Variants in LIMS2 observed in about 807,000 individuals in gnomAD.
LIMS2 encodes the protein LIM zinc finger domain containing 2.
In LIMS2, 30 loss-of-function variants were observed where a neutral mutation model predicts 45.3. The observed-to-expected ratio is 0.66, with a 90% CI of 0.50 to 0.90. The LOEUF is 0.90. Ranked by LOEUF, LIMS2 falls within the 40% of genes least tolerant of loss-of-function variation. LIMS2 has a pLI of 0.00. For synonymous variants in LIMS2, 173 were observed against 188.0 expected (o/e 0.92, Z 0.65); for missense variants, 485 against 468.7 (o/e 1.03, Z -0.32).
At position 127,654,831 on chromosome 2, in the gene LIMS2, G is replaced by A. The variant is rs531118175; in HGVS notation, c.237C>T (p.Cys79=). 36 of 1,614,054 alleles carry A rather than the reference G, an allele frequency of 2.2e-5. No individual in the cohort carries two copies. The highest frequency in any genetic ancestry group is 1.8e-4 in the South Asian group (16 of 91,090). The part of the protein sequence containing the change: ...QMLFAPCCGS[C]GEFIIGRVIK... Reference sequence around the variant, plus strand: ...GATGTGTACTGTCACCGGCCTTACCGCAGGATCCACAGCACGGAGCAAACA... The same window carrying A: ...GATGTGTACTGTCACCGGCCTTACCACAGGATCCACAGCACGGAGCAAACA... The change falls in exon 3 of 10, where the codon TGC becomes TGT. Residue 79 remains cysteine, a splice_region_variant and synonymous_variant. Coordinates refer to ENST00000355119, the MANE Select transcript of LIMS2 (RefSeq NM_001161403.3).
Position 127,657,570 on chromosome 2 carries a change from C to A in LIMS2, c.12-8G>T. On this transcript the variant is annotated splice_polypyrimidine_tract_variant and splice_region_variant and intron_variant, in intron 1 of 9. Coordinates refer to ENST00000355119, the MANE Select transcript of LIMS2 (RefSeq NM_001161403.3). ...AAGGCGTCCGACATATTGCTGGGGG[C>A]AGGAGACAGGAGGAGTGAGTCAGAG... 6.3e-7 allele frequency: 1 copy of A among 1,588,052 alleles called. No homozygotes were observed. Among genetic ancestry groups the A allele is most frequent in the Non-Finnish European group, 8.6e-7 (1 of 1,166,618 alleles).
At position 127,650,132 on chromosome 2, in the gene LIMS2, G is replaced by A; in HGVS notation, c.359+4292C>T. The A allele has an allele frequency of 2.0e-6, 3 of 1,490,432 alleles. No individual in the cohort carries two copies. The Admixed American group carries it at 5.6e-5, about 28-fold the overall frequency. 92.3% of individuals were successfully genotyped at this position (1,490,432 alleles called of 1,614,324 possible). ...AGGGTACAGCCCTTGCTGCCATCCT[G>A]GGGGCACCCTCCTAAGTGCCAGGGG... is the stretch of plus-strand genomic sequence containing the variant. On this transcript the variant is annotated intron_variant, in intron 4 of 9. Transcript: ENST00000355119.
intron 7 of LIMS2, 195 bp from the exon 8 acceptor site, chr2:127,640,513 C>T: frequency 1.6e-6 from 1 of 637,230 alleles, no homozygotes; most frequent in Non-Finnish European, 2.8e-6. Context: ...GGACAACAGG[C>T]TGGGGCGTTG....
intron 1 of LIMS2, among the ~76,000 whole-genome samples, chr2:127,669,153 A>G (rs1185566689): frequency 6.6e-6 from 1 of 152,196 alleles, no homozygotes; most frequent in Non-Finnish European, 1.5e-5. Flanking sequence ...GAGTGCCAAG[A>G]CCATTCAATG....
In LIMS2 at chr2:127,647,113, C is replaced by A. The variant is rs1380879270; in HGVS notation, c.360-4041G>T. On this transcript the variant is annotated intron_variant, in intron 4 of 9. Transcript: ENST00000355119. This position sits in a 1 kb window ranked among gnomAD's most constrained non-coding sequence, Gnocchi z 4.3. Reference sequence around the variant, plus strand: ...CCTGGTGCCATGAGATATGCCACCCCTGCCGTCACTCAGGGCCCTGAGCCC... The same window carrying A: ...CCTGGTGCCATGAGATATGCCACCCATGCCGTCACTCAGGGCCCTGAGCCC... Among the ~76,000 whole-genome samples the A allele has an allele frequency of 6.6e-6, 1 of 152,230 alleles. No individual in the cohort carries two copies. Among genetic ancestry groups the A allele is most frequent in the African/African-American group, 2.4e-5 (1 of 41,456 alleles).
intron 1 of LIMS2, chr2:127,673,739 T>A (rs1157590421): frequency 6.4e-7 from 1 of 1,551,290 alleles, no homozygotes; most frequent in South Asian, 1.2e-5. Flanking sequence ...CCCCACTTTC[T>A]TTTCCTAGAA....
chr2:127,665,809 G>A lies in LIMS2; in HGVS notation c.12-8247C>T, dbSNP rs188412346. ...GAATCCAGGACTCTCATGCAGACCCGCAGTTTTCTGTAAGGAGGAAACATT... is the reference window on the plus strand; with the variant it reads ...GAATCCAGGACTCTCATGCAGACCCACAGTTTTCTGTAAGGAGGAAACATT... On this transcript the variant is annotated intron_variant, in intron 1 of 9. Transcript: ENST00000355119. Among the ~76,000 whole-genome samples, 126 of 152,260 alleles carry A rather than the reference G, an allele frequency of 8.3e-4. 1 individual carries two copies. Among genetic ancestry groups the A allele is most frequent in the Middle Eastern group, 3.4e-3 (1 of 294 alleles).
At chr2:127,648,990 A>G (rs1236963032) in intron 4 of LIMS2, among the ~76,000 whole-genome samples, 5 of 14,458 alleles carry the variant, frequency 3.5e-4, no homozygotes, top group Non-Finnish European at 5.2e-4. Context: ...AGGGGAGGGG[A>G]GGGAGGGGAG....
Position 127,667,197 on chromosome 2 carries a change from A to G in LIMS2, c.11+7817T>C, listed in dbSNP as rs542061043. ...TCCCAGCTACTCAGGAGGCTGAGGC[A>G]GGAGAATCACTTGAACCTGGAAGGC... On this transcript the variant is annotated intron_variant, in intron 1 of 9. Coordinates refer to ENST00000355119, the MANE Select transcript of LIMS2 (RefSeq NM_001161403.3). This position sits in a 1 kb window ranked among gnomAD's most constrained non-coding sequence, Gnocchi z 4.1. 6.6e-6 allele frequency among the ~76,000 whole-genome samples: 1 copy of G among 152,362 alleles called. No homozygotes were observed. Among genetic ancestry groups the G allele is most frequent in the African/African-American group, 2.4e-5 (1 of 41,592 alleles).
chr2:127,661,902 T>G (rs1337431461), intron 1 of LIMS2, among the ~76,000 whole-genome samples: 2 of 152,170 alleles, frequency 1.3e-5, no homozygotes, highest in African/African-American at 4.8e-5. Flanking sequence ...TCCCATCTCC[T>G]CTTGGCATCC....
intron 1 of LIMS2, among the ~76,000 whole-genome samples, chr2:127,660,004 TA>T (rs993187852): frequency 1.3e-5 from 2 of 152,194 alleles, no homozygotes; most frequent in African/African-American, 4.8e-5. Context: ...CGCCGTTTCA[TA>T]AACACACCCT....
Position 127,664,308 on chromosome 2 carries a change from C to T in LIMS2, c.12-6746G>A. The T allele has an allele frequency of 2.4e-6, 3 of 1,235,020 alleles. No individual in the cohort carries two copies. The highest frequency in any genetic ancestry group is 3.0e-6 in the Non-Finnish European group (3 of 989,976). The allele number at this position is 1,235,020 out of a possible 1,614,324, so 76.5% of individuals were successfully genotyped here. A position where few individuals can be genotyped will look rare whatever the true frequency, so the allele number is the denominator to read the frequency against. On this transcript the variant is annotated intron_variant, in intron 1 of 9. Coordinates refer to ENST00000355119, the MANE Select transcript of LIMS2 (RefSeq NM_001161403.3). This position sits in a 1 kb window ranked among gnomAD's most constrained non-coding sequence, Gnocchi z 5.5. ...CCGCCCCGCCCCTGGCCACCTACCC[C>T]GTGGCTGGCGGCGGGCTCTGCCGGT...
In LIMS2 at chr2:127,671,642, G is replaced by T. The variant is rs1014553901; in HGVS notation, c.11+3372C>A. Among the ~76,000 whole-genome samples the T allele has an allele frequency of 4.6e-5, 7 of 152,168 alleles. No homozygotes were observed. The highest frequency in any genetic ancestry group is 8.8e-5 in the Non-Finnish European group (6 of 68,010). ...GTGGCTTGAAATGAGCCCAGGTGGG[G>T]GTATCACACCACGGGACTGGACACC... On this transcript the variant is annotated intron_variant, in intron 1 of 9. Coordinates refer to ENST00000355119, the MANE Select transcript of LIMS2 (RefSeq NM_001161403.3). This position sits in a 1 kb window ranked among gnomAD's most constrained non-coding sequence, Gnocchi z 4.1.
chr2:127,678,903 G>T (rs1383568337), upstream of LIMS2, among the ~76,000 whole-genome samples: 1 of 152,188 alleles, frequency 6.6e-6, no homozygotes, highest in Non-Finnish European at 1.5e-5. This position sits in a 1 kb window ranked among gnomAD's most constrained non-coding sequence, Gnocchi z 5.3. Context: ...GATGCAGAAG[G>T]CTTGGTACAA....
intron 4 of LIMS2, 133 bp downstream of exon 4, chr2:127,654,291 A>C: frequency 1.6e-6 from 2 of 1,227,450 alleles, no homozygotes; most frequent in East Asian, 4.9e-5. Flanking sequence ...GAGGGAGGGC[A>C]GCTACATCAG....
At chr2:127,666,378 G>C (rs575877209) in intron 1 of LIMS2, among the ~76,000 whole-genome samples, 1 of 152,116 alleles carries the variant, frequency 6.6e-6, no homozygotes, top group Non-Finnish European at 1.5e-5. Context: ...GATGAATCTT[G>C]GTAAACAAAC....
chr2:127,641,344 G>C (rs1558867634), intron 6 of LIMS2: 1 of 245,626 alleles, frequency 4.1e-6, no homozygotes, highest in East Asian at 9.7e-5. Context: ...TGGTGCTGCG[G>C]CATGGTGGGC....
At chr2:127,650,897 G>A (rs754058599) in intron 4 of LIMS2, 1 of 1,614,070 alleles carries the variant, frequency 6.2e-7, no homozygotes, top group East Asian at 2.2e-5. Context: ...TGGCTCTGTG[G>A]CTTTTCATCC....
At chr2:127,677,480 C>G (rs1397699846), upstream of LIMS2, among the ~76,000 whole-genome samples, 5 of 152,042 alleles carry the variant, frequency 3.3e-5, no homozygotes, top group Non-Finnish European at 5.9e-5. The surrounding 1 kb of genome is among the most constrained non-coding windows in gnomAD (Gnocchi z 5.0). Context: ...AGAGCCAGCC[C>G]TCAGCCATCT....
Sources: gnomAD v4.1 joint callset for allele counts (sites outside exome capture counted in the v4.1 genomes callset) on GRCh38, gnomAD v4.1.1 for gene constraint, Gnocchi (gnomAD v3.1) non-coding constraint, MANE v1.5 for transcripts, NCBI Gene and HGNC (gene_info 2026-07-23, HGNC 2026-07-21) for gene names.